The following SH3RF3 variants were observed in gnomAD, a reference collection of about 807,000 sequenced individuals.
SH3RF3 encodes the protein E3 ubiquitin-protein ligase SH3RF3.
A neutral mutation model predicts 66.3 loss-of-function variants in SH3RF3; 29 were observed. The ratio of observed to expected loss-of-function variants is 0.44; its 90% CI spans 0.33 to 0.60. The LOEUF is 0.60. Among genes scored for constraint, SH3RF3 ranks in the 20% least tolerant of loss-of-function variants. The pLI is 0.04. For synonymous variants in SH3RF3, 583 were observed against 532.0 expected, an observed-to-expected ratio of 1.10 and a Z score of -1.32; for missense variants, 1,194 against 1,190.9, an observed-to-expected ratio of 1.00 and a Z score of -0.04.
At chr2:109,335,225 G>A (rs1682383395) in intron 1 of SH3RF3, among the ~76,000 whole-genome samples, 1 of 152,244 alleles carries the variant, frequency 6.6e-6, no homozygotes, top group African/African-American at 2.4e-5. Context: ...AGGAGCAGCT[G>A]TGGGGACTGT....
intron 1 of SH3RF3, among the ~76,000 whole-genome samples, chr2:109,219,610 A>G (rs1209737495): frequency 6.6e-6 from 1 of 152,252 alleles, no homozygotes; most frequent in Non-Finnish European, 1.5e-5. Context: ...AAGTTGCAAA[A>G]TATAAAATTA....
intron 1 of SH3RF3, among the ~76,000 whole-genome samples, chr2:109,195,140 T>C (rs1207046232): frequency 6.6e-6 from 1 of 152,032 alleles, no homozygotes; most frequent in Admixed American, 6.5e-5. Context: ...TAAAAACTAA[T>C]AGGAAAAAAA....
chr2:109,294,276 G>T (rs994710607), intron 1 of SH3RF3, among the ~76,000 whole-genome samples: 2 of 152,128 alleles, frequency 1.3e-5, no homozygotes, highest in Non-Finnish European at 2.9e-5. Context: ...ATAAAGAATT[G>T]CTGTGCCGTG....
At chr2:109,303,065 G>A (rs1318506004) in intron 1 of SH3RF3, among the ~76,000 whole-genome samples, 1 of 152,060 alleles carries the variant, frequency 6.6e-6, no homozygotes, top group East Asian at 1.9e-4. Flanking sequence ...TGGTAGAGGC[G>A]GGGTTTCATC....
intron 1 of SH3RF3, among the ~76,000 whole-genome samples, chr2:109,305,089 G>T (rs1681559917): frequency 6.6e-6 from 1 of 152,202 alleles, no homozygotes. Flanking sequence ...CATGCTGTAA[G>T]ACTGCCTTCT....
intron 1 of SH3RF3, among the ~76,000 whole-genome samples, chr2:109,133,592 A>G (rs1676746981): frequency 1.3e-5 from 2 of 152,164 alleles, no homozygotes; most frequent in South Asian, 4.2e-4. Context: ...AAGGATTCTG[A>G]ATAGAGCGTC....
chr2:109,305,437 T>C (rs1681568615), intron 1 of SH3RF3, among the ~76,000 whole-genome samples: 1 of 152,160 alleles, frequency 6.6e-6, no homozygotes, highest in South Asian at 2.1e-4. Context: ...CCTATTTCCC[T>C]GTCTCCAGCC....
chr2:109,492,083 C>T (rs375761418), intron 9 of SH3RF3, among the ~76,000 whole-genome samples: 4 of 152,208 alleles, frequency 2.6e-5, no homozygotes, highest in Admixed American at 2.0e-4. Flanking sequence ...GTGGTGACCA[C>T]GTCCTCTGCC....
intron 8 of SH3RF3, among the ~76,000 whole-genome samples, chr2:109,453,767 G>A (rs1351174262): frequency 6.6e-6 from 1 of 152,238 alleles, no homozygotes; most frequent in Non-Finnish European, 1.5e-5. Context: ...TGCAGGAGAG[G>A]GTGGGTGATT....
chr2:109,388,649 A>C (rs1304442711), intron 3 of SH3RF3, among the ~76,000 whole-genome samples: 1 of 152,248 alleles, frequency 6.6e-6, no homozygotes, highest in Non-Finnish European at 1.5e-5. Flanking sequence ...TATGCATGGA[A>C]TAGGTGTTTA....
At chr2:109,369,497 T>C (rs1683219616) in intron 2 of SH3RF3, among the ~76,000 whole-genome samples, 1 of 152,278 alleles carries the variant, frequency 6.6e-6, no homozygotes, top group Non-Finnish European at 1.5e-5. Context: ...TACGTTTTTC[T>C]GGCCTATAAT....
chr2:109,193,335 A>G (rs1678415644), intron 1 of SH3RF3, among the ~76,000 whole-genome samples: 1 of 152,210 alleles, frequency 6.6e-6, no homozygotes, highest in Admixed American at 6.5e-5. Context: ...TTCAAAGTGT[A>G]CAATTCAGTG....
intron 1 of SH3RF3, among the ~76,000 whole-genome samples, chr2:109,306,286 G>A (rs185370330): frequency 7.7e-4 from 118 of 152,344 alleles, no homozygotes; most frequent in African/African-American, 2.7e-3. Context: ...GGGGTGCCAC[G>A]TGTGTGTTTG....
chr2:109,289,194 TTC>T (rs1043058087), intron 1 of SH3RF3, among the ~76,000 whole-genome samples: 5 of 152,136 alleles, frequency 3.3e-5, no homozygotes, highest in African/African-American at 1.2e-4. Flanking sequence ...AAAAGCCCCT[TTC>T]TCTGCTGTCA....
intron 1 of SH3RF3, among the ~76,000 whole-genome samples, chr2:109,190,717 G>T (rs988589036): frequency 6.6e-6 from 1 of 152,034 alleles, no homozygotes; most frequent in Admixed American, 6.6e-5. Context: ...AATTTGCTAG[G>T]TGTTGGGTGT....
At chr2:109,434,007 G>T (rs1250923009) in intron 6 of SH3RF3, among the ~76,000 whole-genome samples, 4 of 152,196 alleles carry the variant, frequency 2.6e-5, no homozygotes, top group African/African-American at 4.8e-5. Context: ...CCCGAAGAAG[G>T]TCTCTGGTCT....
intron 1 of SH3RF3, among the ~76,000 whole-genome samples, chr2:109,138,188 G>A (rs1015301690): frequency 2.6e-5 from 4 of 152,240 alleles, no homozygotes; most frequent in Non-Finnish European, 4.4e-5. Flanking sequence ...GCTAACGCCC[G>A]GCTAATTTTT....
At position 109,398,615 on chromosome 2, in the gene SH3RF3, T is replaced by C. The variant is rs752556304; in HGVS notation, c.971T>C (p.Ile324Thr). ...VELNDSAKQLIEMDKPCPAAA... is the reference protein window; with the variant it reads ...VELNDSAKQLTEMDKPCPAAA... ...CTCAATGACTCCGCCAAGCAGCTCA[T>C]TGAGATGGACAAGCCATGCCCAGCC... The change falls in exon 4 of 10, where the codon ATT becomes ACT. Residue 324 changes from isoleucine (I) to threonine (T), a missense_variant. Ile to Thr is a moderately conservative substitution (Grantham distance 89, BLOSUM62 -1). Transcript: ENST00000309415. The C allele has an allele frequency of 4.4e-6, 7 of 1,584,122 alleles. No individual in the cohort carries two copies. The highest frequency in any genetic ancestry group is 5.1e-6 in the Non-Finnish European group (6 of 1,166,498).
At chr2:109,356,428 A>G (rs944513263) in intron 2 of SH3RF3, among the ~76,000 whole-genome samples, 5 of 152,192 alleles carry the variant, frequency 3.3e-5, no homozygotes, top group African/African-American at 4.8e-5. Context: ...TCCACTGCTC[A>G]TTCACTAATC....
Sources: gnomAD v4.1 joint callset for allele counts (sites outside exome capture counted in the v4.1 genomes callset) on GRCh38, gnomAD v4.1.1 for gene constraint, MANE v1.5 for transcripts, NCBI Gene and HGNC (gene_info 2026-07-23, HGNC 2026-07-21) for gene names.